Variants in EPHA2 observed in about 807,000 individuals in gnomAD.
EPHA2 encodes ephrin type-A receptor 2.
In EPHA2, 54 loss-of-function variants were observed where a neutral mutation model predicts 104.9. That is an observed-to-expected ratio of 0.51 (90% CI 0.41 to 0.65). The LOEUF (loss-of-function observed/expected upper bound fraction) is 0.65, where lower values mean the gene tolerates loss of function less well. Ranked by LOEUF, EPHA2 falls within the 30% of genes least tolerant of loss-of-function variation. The pLI, the probability that EPHA2 is intolerant of heterozygous loss-of-function variation, is 0.00. For synonymous variants in EPHA2, 560 were observed against 559.1 expected (o/e 1.00, Z -0.02); for missense variants, 1,117 against 1,369.5 (o/e 0.82, Z 2.91).
rs991805982 is a variant in EPHA2, at chr1:16,137,902, C to T, written c.1263G>A (p.Leu421=). The part of the protein sequence containing the change: ...TVEARNGVSG[L]VTSRSFRTAS... ...CAGTACGGAAGCTGCGGCTGGTTAC[C>T]AGGCCTGAGACGCCATTGCGGGCCT... Residue 421 remains leucine (L), a synonymous_variant, in exon 5 of 17, where the codon CTG becomes CTA. Coordinates refer to ENST00000358432, the MANE Select transcript of EPHA2 (RefSeq NM_004431.5). 15 of 1,613,856 alleles carry T rather than the reference C, an allele frequency of 9.3e-6. No homozygotes were observed. Among genetic ancestry groups the T allele is most frequent in the Non-Finnish European group, 1.3e-5 (15 of 1,180,032 alleles).
In EPHA2 at chr1:16,137,968, C is replaced by T; in HGVS notation, c.1197G>A (p.Val399=). ...AGTTCATGTGGGGCTCCAGGTCGCT[C>T]ACTGTCACACTGGTGCGGGTCAGTC... The part of the protein sequence containing the change: ...PHGLTRTSVT[V]SDLEPHMNYT... Residue 399 remains valine (V), a synonymous_variant, in exon 5 of 17, where the codon GTG becomes GTA. Transcript: ENST00000358432. 3 of 1,614,172 alleles carry T rather than the reference C, an allele frequency of 1.9e-6. No homozygotes were observed. Among genetic ancestry groups the T allele is most frequent in the Non-Finnish European group, 2.5e-6 (3 of 1,180,038 alleles).
chr1:16,140,919 C>T (rs913996924), intron 3 of EPHA2, among the ~76,000 whole-genome samples: 3 of 151,598 alleles, frequency 2.0e-5, no homozygotes, highest in African/African-American at 7.3e-5. Flanking sequence ...TTTTTAGAGA[C>T]GGGGTGTGTC....
intron 1 of EPHA2, among the ~76,000 whole-genome samples, chr1:16,153,721 C>A (rs186522288): frequency 1.3e-5 from 2 of 152,144 alleles, no homozygotes; most frequent in African/African-American, 4.8e-5. Context: ...ACAGGAGCCA[C>A]GTGGGCAACC....
intron 10 of EPHA2, 41 bp from the exon 11 acceptor site, chr1:16,133,409 C>A: frequency 6.2e-7 from 1 of 1,613,882 alleles, no homozygotes; most frequent in Non-Finnish European, 8.5e-7. Flanking sequence ...TGGTCAGCCC[C>A]GGCATGAGGG....
chr1:16,154,222 C>T (rs2025102744), intron 1 of EPHA2, among the ~76,000 whole-genome samples: 2 of 152,208 alleles, frequency 1.3e-5, no homozygotes, highest in African/African-American at 4.8e-5. Context: ...CCACAGTCCC[C>T]CAGGAAGGGG....
rs1401694419 is a variant in EPHA2, at chr1:16,128,157, G to A, written c.2825+1277C>T. 3.9e-5 allele frequency among the ~76,000 whole-genome samples: 6 copies of A among 152,182 alleles called. No homozygotes were observed. The highest frequency in any genetic ancestry group is 9.7e-5 in the African/African-American group (4 of 41,446). On this transcript the variant is annotated intron_variant, in intron 16 of 16. Coordinates refer to ENST00000358432, the MANE Select transcript of EPHA2 (RefSeq NM_004431.5). This position sits in a 1 kb window ranked among gnomAD's most constrained non-coding sequence, Gnocchi z 4.7. ...ACTGTATACCAGTCGTGTCATCTGC[G>A]CTGCACCCATGCAATCCCATCAAAC...
Position 16,128,538 on chromosome 1 carries a change from C to T in EPHA2, c.2825+896G>A, listed in dbSNP as rs1267672015. Reference sequence around the variant, plus strand: ...CCTCCATACGGTTCCCAAAACCTCCCAGCCTCCCGGTCTGTTCCCGCCATG... The same window carrying T: ...CCTCCATACGGTTCCCAAAACCTCCTAGCCTCCCGGTCTGTTCCCGCCATG... On this transcript the variant is annotated intron_variant, in intron 16 of 16. Transcript: ENST00000358432. The surrounding 1 kb of genome is among the most constrained non-coding windows in gnomAD (Gnocchi z 4.7). 1.3e-5 allele frequency among the ~76,000 whole-genome samples: 2 copies of T among 152,216 alleles called. 1 individual carries two copies. The highest frequency in any genetic ancestry group is 2.9e-5 in the Non-Finnish European group (2 of 68,032).
At position 16,132,227 on chromosome 1, in the gene EPHA2, C is replaced by G; in HGVS notation, c.2162G>C (p.Arg721Pro). ...GTACTTCATGCCAGCTGCGATGCCCCGCAGCATGCCCACCAGCTGCAGCAC... is the reference window on the plus strand; with the variant it reads ...GTACTTCATGCCAGCTGCGATGCCCGGCAGCATGCCCACCAGCTGCAGCAC... ...FSVLQLVGML[R>P]GIAAGMKYLA... is the part of the protein sequence containing the mutation. The change falls in exon 13 of 17, where the codon CGG becomes CCG. Residue 721 changes from arginine to proline, a missense_variant. Arg to Pro is a moderately radical substitution (Grantham distance 103, BLOSUM62 -2). Coordinates refer to ENST00000358432, the MANE Select transcript of EPHA2 (RefSeq NM_004431.5). The G allele has an allele frequency of 6.2e-7, 1 of 1,614,162 alleles. No individual in the cohort carries two copies. Among genetic ancestry groups the G allele is most frequent in the Non-Finnish European group, 8.5e-7 (1 of 1,180,026 alleles).
chr1:16,133,879 G>A lies in EPHA2; in HGVS notation c.1719C>T (p.Asp573=), dbSNP rs902450629. The A allele has an allele frequency of 7.1e-6, 11 of 1,550,308 alleles. No homozygotes were observed. The highest frequency in any genetic ancestry group is 2.0e-5 in the Admixed American group (1 of 50,828). ...TCTCACCTGACTTGGAGAAGTAAAC[G>A]TCCTCCGGGGACTGGCGGGCACGCT... ...KNQRARQSPE[D]VYFSKSEQLK... Residue 573 remains aspartate, a synonymous_variant, in exon 9 of 17, where the codon GAC becomes GAT. Coordinates refer to ENST00000358432, the MANE Select transcript of EPHA2 (RefSeq NM_004431.5).
rs2024549534 is a variant in EPHA2, at chr1:16,130,342, C to G, written c.2553G>C (p.Met851Ile). ...GGGCACGCTCCTGCTGCCAGCACTG[C>G]ATCATGAGCTGGTAGATGGCGGAGG... ...DCPSAIYQLM[M>I]QCWQQERARR... The change falls in exon 15 of 17, where the codon ATG becomes ATC. Residue 851 changes from methionine (M) to isoleucine (I), a missense_variant. Met to Ile is a conservative substitution (Grantham distance 10). Around this residue, in one of 3 missense-constraint regions of EPHA2, gnomAD observed 340 missense variants for 480.5 expected, o/e 0.71. Transcript: ENST00000358432. The surrounding 1 kb of genome is among the most constrained non-coding windows in gnomAD (Gnocchi z 4.5). 9.4e-6 allele frequency: 15 copies of G among 1,591,556 alleles called. No homozygotes were observed. Among genetic ancestry groups the G allele is most frequent in the Non-Finnish European group, 1.3e-5 (15 of 1,163,794 alleles).
At chr1:16,153,686 A>C (rs1051418477) in intron 1 of EPHA2, among the ~76,000 whole-genome samples, 1 of 152,208 alleles carries the variant, frequency 6.6e-6, no homozygotes, top group Non-Finnish European at 1.5e-5. Context: ...AAATGAGGGC[A>C]GATTCAGTGG....
chr1:16,134,283 C>T lies in EPHA2; in HGVS notation c.1682+185G>A, dbSNP rs1338586034. Among the ~76,000 whole-genome samples, 3 of 152,258 alleles carry T rather than the reference C, an allele frequency of 2.0e-5. No individual in the cohort carries two copies. Among genetic ancestry groups the T allele is most frequent in the Middle Eastern group, 3.4e-3 (1 of 294 alleles). ...AGCAGAGGTAATGACCCCCGTGTCC[C>T]GGCCCCGCCGCGTGCCAGGCACTTC... On this transcript the variant is annotated intron_variant, in intron 8 of 16. Transcript: ENST00000358432. This position sits in a 1 kb window ranked among gnomAD's most constrained non-coding sequence, Gnocchi z 4.5.
rs934425420 is a variant in EPHA2 at position 16,135,983 on chromosome 1, G to A, written c.1313-213C>T. On this transcript the variant is annotated intron_variant, in intron 5 of 16. Coordinates refer to ENST00000358432, the MANE Select transcript of EPHA2 (RefSeq NM_004431.5). The surrounding 1 kb of genome is among the most constrained non-coding windows in gnomAD (Gnocchi z 4.3). Reference sequence around the variant, plus strand: ...ACTCCTGTGCTCAAGTGATCCTCCTGCCTCAGCTTCCTGAATAGCTGGGGC... The same window carrying A: ...ACTCCTGTGCTCAAGTGATCCTCCTACCTCAGCTTCCTGAATAGCTGGGGC... Among the ~76,000 whole-genome samples the A allele has an allele frequency of 5.9e-5, 9 of 152,136 alleles. No individual in the cohort carries two copies. The highest frequency in any genetic ancestry group is 1.9e-4 in the African/African-American group (8 of 41,426).
At chr1:16,133,793 C>T in intron 9 of EPHA2, 67 bp downstream of exon 9, 1 of 1,496,506 alleles carries the variant, frequency 6.7e-7, no homozygotes, top group South Asian at 1.3e-5. Flanking sequence ...CTGGCTGCCC[C>T]CACCTCCCCC....
intron 5 of EPHA2, among the ~76,000 whole-genome samples, chr1:16,136,796 T>G (rs1405983977): frequency 2.8e-5 from 4 of 143,808 alleles, no homozygotes; most frequent in Admixed American, 6.8e-5. Flanking sequence ...CTGAATGCTT[T>G]CTTTTTTTTT....
rs1383923999 is a variant in EPHA2, at chr1:16,128,575, T to C, written c.2825+859A>G. ...CTGTTCCCGCCATGATCTTTGACCA[T>C]GCACAAGCTGGGTTGTTGAAACTGG... On this transcript the variant is annotated intron_variant, in intron 16 of 16. Coordinates refer to ENST00000358432, the MANE Select transcript of EPHA2 (RefSeq NM_004431.5). The surrounding 1 kb of genome is among the most constrained non-coding windows in gnomAD (Gnocchi z 4.7). 6.6e-6 allele frequency among the ~76,000 whole-genome samples: 1 copy of C among 152,192 alleles called. No homozygotes were observed. The highest frequency in any genetic ancestry group is 1.5e-5 in the Non-Finnish European group (1 of 68,036).
intron 3 of EPHA2, among the ~76,000 whole-genome samples, chr1:16,140,029 A>G (rs2024792843): frequency 1.3e-5 from 2 of 152,228 alleles, no homozygotes; most frequent in Admixed American, 6.5e-5. Flanking sequence ...TCAGGGACAG[A>G]ATCTGGAGCG....
At position 16,150,866 on chromosome 1, in the gene EPHA2, C is replaced by A. The variant is rs2124269026; in HGVS notation, c.153+30G>T. 1 of 1,613,748 alleles carries A rather than the reference C, an allele frequency of 6.2e-7. No individual in the cohort carries two copies. Among genetic ancestry groups the A allele is most frequent in the East Asian group, 2.2e-5 (1 of 44,878 alleles). On this transcript the variant is annotated intron_variant, in intron 2 of 16. Transcript: ENST00000358432. The surrounding 1 kb of genome is among the most constrained non-coding windows in gnomAD (Gnocchi z 4.8). ...CAGGGGACCAGCAGCCCCATTCTCA[C>A]ACCTCTCCCCACCCCGAAGGCTTAC...
Position 16,128,784 on chromosome 1 carries a change from C to A in EPHA2, c.2825+650G>T, listed in dbSNP as rs1292605371. 6.6e-6 allele frequency among the ~76,000 whole-genome samples: 1 copy of A among 152,170 alleles called. No homozygotes were observed. ...CCCAGGGCCAGCAGAGAGTAAGTGG[C>A]ACTTCTCACCAGGTGGGACTGCAGG... On this transcript the variant is annotated intron_variant, in intron 16 of 16. Coordinates refer to ENST00000358432, the MANE Select transcript of EPHA2 (RefSeq NM_004431.5). The surrounding 1 kb of genome is among the most constrained non-coding windows in gnomAD (Gnocchi z 4.7).
Sources: allele counts gnomAD v4.1 joint callset (sites outside exome capture counted in the v4.1 genomes callset), GRCh38; gene constraint gnomAD v4.1.1; regional missense constraint gnomAD v4.1.1; non-coding constraint Gnocchi (gnomAD v3.1); transcripts MANE v1.5; gene names NCBI Gene and HGNC (gene_info 2026-07-23, HGNC 2026-07-21).